Variants in SYTL2 observed in about 807,000 individuals in gnomAD.
The protein encoded by SYTL2 is synaptotagmin-like protein 2.
In SYTL2, 165 loss-of-function variants were observed where a neutral mutation model predicts 198.7. That is an observed-to-expected ratio of 0.83 (90% CI 0.73 to 0.94). The LOEUF (loss-of-function observed/expected upper bound fraction) is 0.94. Ranked by LOEUF, SYTL2 falls within the 40% of genes least tolerant of loss-of-function variation. The pLI is 0.00. For missense variants in SYTL2, 2,835 were observed against 2,582.8 expected, an observed-to-expected ratio of 1.10 and a Z score of -2.12; for synonymous variants, 966 against 917.7, an observed-to-expected ratio of 1.05 and a Z score of -0.95.
intron 3 of SYTL2, among the ~76,000 whole-genome samples, chr11:85,747,875 A>G (rs1374029372): frequency 6.6e-6 from 1 of 152,354 alleles, no homozygotes; most frequent in East Asian, 1.9e-4. Flanking sequence ...TACTTGGTTA[A>G]TTAAGAAAGT....
At chr11:85,836,677 T>C in the SYTL2 span, among the ~76,000 whole-genome samples, 1 of 150,206 alleles carries the variant, frequency 6.7e-6, no homozygotes, top group Admixed American at 6.6e-5. Context: ...AAGTAAAAAA[T>C]AATTACTTAG....
Position 85,734,132 on chromosome 11 carries a change from G to C in SYTL2, c.1197C>G (p.Ser399Arg), listed in dbSNP as rs773026850. ...KPSLFHQSTS[S>R]PYVSKSETHQ... ...GTGTTTCACTTTTTGATACATATGG[G>C]CTTGAGGTTGATTGATGAAAAAGCG... The change falls in exon 7 of 20, where the codon AGC becomes AGG. Residue 399 changes from serine to arginine, a missense_variant. Transcript: ENST00000359152. The C allele has an allele frequency of 2.5e-6, 4 of 1,614,180 alleles. No individual in the cohort carries two copies. The African/African-American group carries it at 4.0e-5, about 16-fold the overall frequency.
chr11:85,702,759 T>A (rs1308376059), intron 16 of SYTL2, among the ~76,000 whole-genome samples: 1 of 152,052 alleles, frequency 6.6e-6, no homozygotes, highest in Admixed American at 6.5e-5. Context: ...ATACCCCACA[T>A]ATGATCAAAA....
chr11:85,837,318 AGAAGAG>A, the SYTL2 span, among the ~76,000 whole-genome samples: 6 of 152,214 alleles, frequency 3.9e-5, no homozygotes, highest in African/African-American at 1.4e-4. Context: ...TATCTTCATA[AGAAGAG>A]GAAGACCTAG....
chr11:85,757,484 G>A (rs1269815419), intron 2 of SYTL2, 141 bp downstream of exon 2: 5 of 924,196 alleles, frequency 5.4e-6, no homozygotes, highest in African/African-American at 1.6e-5. Flanking sequence ...TTTTGTCCAG[G>A]AAGTAAACCT....
chr11:85,706,251 CTAT>C (rs1414475452), intron 15 of SYTL2, among the ~76,000 whole-genome samples: 2 of 152,188 alleles, frequency 1.3e-5, no homozygotes, highest in Non-Finnish European at 2.9e-5. Context: ...TAGGTAAGTA[CTAT>C]TATTATCTTC....
chr11:85,833,015 G>GA, the SYTL2 span, among the ~76,000 whole-genome samples: 122 of 18,306 alleles, frequency 6.7e-3, 3 homozygotes, highest in Middle Eastern at 0.094. Context: ...AGAAAGAAAA[G>GA]AAAGAAAGAA....
rs775266903 is a variant in SYTL2, at chr11:85,714,436, C to T, written c.5602G>A (p.Val1868Ile). The change falls in exon 12 of 20, where the codon GTT becomes ATT. Residue 1868 changes from valine to isoleucine, a missense_variant. Val to Ile is a conservative substitution (Grantham distance 29, BLOSUM62 3). Coordinates refer to ENST00000359152, the MANE Select transcript of SYTL2 (RefSeq NM_206927.4). ...PDKLKRMSKSVPAFLQDESDD... is the reference protein window; with the variant it reads ...PDKLKRMSKSIPAFLQDESDD... ...GCCTCATCTTGGAGAAATGCTGGAA[C>T]AGACTTGCTCATCCTTTTGAGTTTG... 6.2e-7 allele frequency: 1 copy of T among 1,613,492 alleles called. No homozygotes were observed.
the SYTL2 span, among the ~76,000 whole-genome samples, chr11:85,838,845 C>CTA: frequency 6.6e-6 from 1 of 152,018 alleles, no homozygotes; most frequent in Non-Finnish European, 1.5e-5. Flanking sequence ...TTTCACATAT[C>CTA]TATACACTCA....
At chr11:85,723,776 T>C (rs766420444) in intron 8 of SYTL2, among the ~76,000 whole-genome samples, 2 of 151,852 alleles carry the variant, frequency 1.3e-5, no homozygotes, top group Non-Finnish European at 2.9e-5. Flanking sequence ...ATATAAATAA[T>C]TTTTTTAATT....
chr11:85,828,443 G>A, the SYTL2 span, among the ~76,000 whole-genome samples: 1 of 152,146 alleles, frequency 6.6e-6, no homozygotes, highest in Non-Finnish European at 1.5e-5. Context: ...CTCTGCTTAA[G>A]TGACTCATCA....
At chr11:85,755,343 T>C (rs2091798911) in intron 2 of SYTL2, among the ~76,000 whole-genome samples, 1 of 152,118 alleles carries the variant, frequency 6.6e-6, no homozygotes, top group Non-Finnish European at 1.5e-5. Context: ...CAAGTCCACA[T>C]GAGGTACATG....
chr11:85,759,141 G>T (rs2092010050), intron 1 of SYTL2, among the ~76,000 whole-genome samples: 1 of 151,598 alleles, frequency 6.6e-6, no homozygotes, highest in Non-Finnish European at 1.5e-5. Flanking sequence ...AGCTACTCAG[G>T]AGGCTGAGGC....
At chr11:85,746,236 C>A in intron 3 of SYTL2, among the ~76,000 whole-genome samples, 1 of 152,174 alleles carries the variant, frequency 6.6e-6, no homozygotes, top group Admixed American at 6.5e-5. Flanking sequence ...TGATTATGGT[C>A]TAGGAATGTC....
chr11:85,853,927 C>T, the SYTL2 span: 4 of 152,176 alleles, frequency 2.6e-5, no homozygotes, highest in African/African-American at 9.7e-5. Context: ...TCACTGAGAT[C>T]TCAGCCTTCC....
chr11:85,707,277 T>C (rs2085325153), intron 15 of SYTL2, 152 bp downstream of exon 15: 1 of 573,886 alleles, frequency 1.7e-6, no homozygotes, highest in Non-Finnish European at 3.1e-6. Flanking sequence ...ATTCAGGTTG[T>C]TTTGTCTCAA....
the SYTL2 span, among the ~76,000 whole-genome samples, chr11:85,833,150 GGAAGGAAAGAAAGAAAGAAA>G: frequency 1.1e-4 from 8 of 73,514 alleles, no homozygotes; most frequent in African/African-American, 3.8e-4. Flanking sequence ...AAGGAAGGAA[GGAAGGAAAGAAAGAAAGAAA>G]GAAAGAAAGA....
chr11:85,696,541 G>C (rs2083438770), intron 18 of SYTL2, 153 bp from the exon 19 acceptor site: 1 of 654,982 alleles, frequency 1.5e-6, no homozygotes, highest in Non-Finnish European at 2.7e-6. Flanking sequence ...GTGGGGTAGG[G>C]GGTAGGAACA....
chr11:85,711,505 A>G (rs1162176813), intron 12 of SYTL2, among the ~76,000 whole-genome samples: 2 of 152,226 alleles, frequency 1.3e-5, no homozygotes, highest in African/African-American at 4.8e-5. Flanking sequence ...TGCAGAAGAC[A>G]GCACTATTGT....
Sources: gnomAD v4.1 joint callset for allele counts (sites outside exome capture counted in the v4.1 genomes callset) on GRCh38, gnomAD v4.1.1 for gene constraint, MANE v1.5 for transcripts, NCBI Gene and HGNC (gene_info 2026-07-23, HGNC 2026-07-21) for gene names.